Variants in RAG1 observed in about 807,000 individuals in gnomAD.
RAG1 encodes recombination activating 1.
In RAG1, 35 loss-of-function variants were observed where a neutral mutation model predicts 62.7. The ratio of observed to expected loss-of-function variants is 0.56; its 90% CI spans 0.43 to 0.74. The LOEUF (loss-of-function observed/expected upper bound fraction) is 0.74, where lower values mean the gene tolerates loss of function less well. RAG1 is among the 30% of genes least tolerant of loss of function. The probability of loss-of-function intolerance (pLI) is 0.00; values close to 1 mark genes in which losing one functional copy is unlikely to be tolerated. For missense variants in RAG1, 1,169 were observed against 1,278.6 expected, an observed-to-expected ratio of 0.91 and a Z score of 1.31; for synonymous variants, 461 against 470.3, an observed-to-expected ratio of 0.98 and a Z score of 0.26.
intron 1 of RAG1, among the ~76,000 whole-genome samples, chr11:36,571,615 G>A (rs746808613): frequency 1.3e-4 from 19 of 151,980 alleles, no homozygotes; most frequent in Non-Finnish European, 2.5e-4. Flanking sequence ...TATGAAAAAC[G>A]CCCATTTCTT....
downstream of RAG1, among the ~76,000 whole-genome samples, chr11:36,538,845 G>T (rs182974314): frequency 6.6e-6 from 1 of 152,082 alleles, no homozygotes; most frequent in Admixed American, 6.5e-5. Context: ...AGTTCATCAG[G>T]GTCACCTCCC....
chr11:36,569,776 A>G (rs941600217), intron 1 of RAG1, among the ~76,000 whole-genome samples: 1 of 152,194 alleles, frequency 6.6e-6, no homozygotes, highest in African/African-American at 2.4e-5. Context: ...TGCCAATTCT[A>G]TTTTTTTCAG....
rs151322536 is a variant in RAG1 at position 36,575,708 on chromosome 11, G to A, written c.2404G>A (p.Gly802Ser). 2 of 1,614,064 alleles carry A rather than the reference G, an allele frequency of 1.2e-6. No homozygotes were observed. Among genetic ancestry groups the A allele is most frequent in the African/African-American group, 2.7e-5 (2 of 74,922 alleles). ...PSIDALHCDIGNAAEFYKIFQ... is the reference protein window; with the variant it reads ...PSIDALHCDISNAAEFYKIFQ... ...CATAGATGCACTCCACTGTGACATT[G>A]GCAATGCAGCTGAGTTCTACAAGAT... Residue 802 changes from glycine to serine, a missense_variant, in exon 2 of 2, where the codon GGC becomes AGC. Physicochemically the swap from Gly to Ser is moderately conservative, Grantham distance 56. This residue lies in a region of RAG1 where 800 missense variants were observed against 943.3 expected (regional missense o/e 0.85). Coordinates refer to ENST00000299440, the MANE Select transcript of RAG1 (RefSeq NM_000448.3). The surrounding 1 kb of genome is among the most constrained non-coding windows in gnomAD (Gnocchi z 4.1).
In RAG1 at chr11:36,574,480, G is replaced by A. The variant is rs1850805212; in HGVS notation, c.1176G>A (p.Gly392=). 1 of 1,614,168 alleles carries A rather than the reference G, an allele frequency of 6.2e-7. No homozygotes were observed. The highest frequency in any genetic ancestry group is 8.5e-7 in the Non-Finnish European group (1 of 1,180,040). ...SKEIFVHINK[G]GRPRQHLLSL... ...AGATTTTTGTGCACATTAATAAAGG[G>A]GGCCGGCCCCGCCAACATCTTCTGT... Residue 392 remains glycine (G), a synonymous_variant, in exon 2 of 2, where the codon GGG becomes GGA. Transcript: ENST00000299440.
At chr11:36,533,657 A>C (rs1564978430) in intron 2 of RAG1, among the ~76,000 whole-genome samples, 1 of 152,200 alleles carries the variant, frequency 6.6e-6, no homozygotes, top group African/African-American at 2.4e-5. Context: ...ACAATGTTGA[A>C]TAATGGTGAA....
chr11:36,525,840 A>G (rs894970643), intron 2 of RAG1, among the ~76,000 whole-genome samples: 9 of 152,224 alleles, frequency 5.9e-5, no homozygotes, highest in Non-Finnish European at 1.3e-4. Context: ...CAATCATGTC[A>G]TCTGCAAATA....
Position 36,523,155 on chromosome 11 carries a change from G to T in RAG1, n.428+2926G>T, listed in dbSNP as rs556616986. On this transcript the variant is annotated intron_variant and non_coding_transcript_variant, in intron 2 of 2. Transcript: ENST00000529126. ...GATACGATATTTGGGAGAGGCCAGG[G>T]GTGGAATGATATGATTTGGCTCTGT... is the stretch of plus-strand genomic sequence containing the variant. Among the ~76,000 whole-genome samples the T allele has an allele frequency of 4.6e-5, 7 of 152,300 alleles. No homozygotes were observed. The South Asian group carries it at 1.5e-3, about 32-fold the overall frequency.
At chr11:36,524,597 T>G (rs1437448566) in intron 2 of RAG1, among the ~76,000 whole-genome samples, 1 of 151,922 alleles carries the variant, frequency 6.6e-6, no homozygotes, top group African/African-American at 2.4e-5. Flanking sequence ...CAGGTGATCC[T>G]TCCACCTAAG....
At position 36,574,980 on chromosome 11, in the gene RAG1, G is replaced by A; in HGVS notation, c.1676G>A (p.Arg559Lys). The A allele has an allele frequency of 1.2e-6, 2 of 1,614,178 alleles. No individual in the cohort carries two copies. Among genetic ancestry groups the A allele is most frequent in the Non-Finnish European group, 1.7e-6 (2 of 1,180,046 alleles). Residue 559 changes from arginine (R) to lysine (K), a missense_variant, in exon 2 of 2, where the codon AGG (arginine) becomes AAG (lysine). By Grantham distance (26) the Arg-to-Lys change is conservative. This residue lies in a region of RAG1 where 800 missense variants were observed against 943.3 expected (regional missense o/e 0.85). Transcript: ENST00000299440. ...DDYPVDTIAKRFRYDSALVSA... is the reference protein window; with the variant it reads ...DDYPVDTIAKKFRYDSALVSA... Reference sequence around the variant, plus strand: ...TACCCAGTGGACACCATTGCAAAGAGGTTCCGCTATGATTCAGCTTTGGTG... The same window carrying A: ...TACCCAGTGGACACCATTGCAAAGAAGTTCCGCTATGATTCAGCTTTGGTG...
chr11:36,543,255 C>T (rs879683949), intron 3 of RAG1, among the ~76,000 whole-genome samples: 1 of 152,192 alleles, frequency 6.6e-6, no homozygotes, highest in Admixed American at 6.5e-5. Flanking sequence ...TGTACCTCTG[C>T]CTCCTCCTTC....
chr11:36,546,390 G>T (rs975866349), intron 3 of RAG1, among the ~76,000 whole-genome samples: 8 of 152,094 alleles, frequency 5.3e-5, no homozygotes, highest in Admixed American at 3.3e-4. Context: ...TAGAGACTAG[G>T]ATTGCAACCC....
At chr11:36,517,576 T>C (rs1564973998) in intron 1 of RAG1, among the ~76,000 whole-genome samples, 8 of 152,214 alleles carry the variant, frequency 5.3e-5, no homozygotes, top group Admixed American at 3.9e-4. Context: ...ACCTTTTCGT[T>C]TTCTGTCACA....
intron 2 of RAG1, among the ~76,000 whole-genome samples, chr11:36,520,784 T>C (rs915264673): frequency 4.6e-5 from 7 of 152,194 alleles, no homozygotes; most frequent in Admixed American, 6.5e-5. Context: ...TCTTAAAATA[T>C]GGGACAAAGT....
At chr11:36,558,028 G>T (rs558972753) in intron 3 of RAG1, among the ~76,000 whole-genome samples, 1 of 152,044 alleles carries the variant, frequency 6.6e-6, no homozygotes, top group Non-Finnish European at 1.5e-5. Context: ...AGAGGCTTTG[G>T]TATATTGTGT....
At chr11:36,521,453 T>C (rs1431730643) in intron 2 of RAG1, among the ~76,000 whole-genome samples, 1 of 152,188 alleles carries the variant, frequency 6.6e-6, no homozygotes, top group African/African-American at 2.4e-5. Flanking sequence ...ATGTGAGATA[T>C]GCCTTTCATC....
At chr11:36,527,764 G>A (rs1019372041) in intron 2 of RAG1, among the ~76,000 whole-genome samples, 1 of 150,904 alleles carries the variant, frequency 6.6e-6, no homozygotes. Context: ...TTTCCTTCAA[G>A]TTCTCCTTAA....
intron 1 of RAG1, among the ~76,000 whole-genome samples, chr11:36,514,245 C>A (rs1176156898): frequency 1.3e-5 from 2 of 152,146 alleles, no homozygotes; most frequent in Non-Finnish European, 2.9e-5. Flanking sequence ...TCACAAGAGA[C>A]CCTAAGCTGG....
At chr11:36,540,317 C>T (rs1330194286), downstream of RAG1, among the ~76,000 whole-genome samples, 1 of 152,176 alleles carries the variant, frequency 6.6e-6, no homozygotes, top group Non-Finnish European at 1.5e-5. Context: ...ATGTCACTTG[C>T]CAATTGAAGC....
At chr11:36,548,233 C>T (rs1044150941) in intron 3 of RAG1, among the ~76,000 whole-genome samples, 2 of 152,190 alleles carry the variant, frequency 1.3e-5, no homozygotes, top group Non-Finnish European at 2.9e-5. Flanking sequence ...GATGCCCTCC[C>T]TCACCACTCC....
Sources: gnomAD v4.1 joint callset for allele counts (sites outside exome capture counted in the v4.1 genomes callset) on GRCh38, gnomAD v4.1.1 for gene constraint, gnomAD v4.1.1 regional missense constraint, Gnocchi (gnomAD v3.1) non-coding constraint, MANE v1.5 for transcripts, NCBI Gene and HGNC (gene_info 2026-07-23, HGNC 2026-07-21) for gene names.